RAD17: variants seen among roughly 807,000 people sequenced by gnomAD.
The protein encoded by RAD17 is cell cycle checkpoint protein RAD17.
In RAD17, 31 loss-of-function variants were observed where a neutral mutation model predicts 81.5. That is an observed-to-expected ratio of 0.38 (90% CI 0.29 to 0.51). The LOEUF (loss-of-function observed/expected upper bound fraction) is 0.51. Among genes scored for constraint, RAD17 ranks in the 20% least tolerant of loss-of-function variants. RAD17 has a pLI of 0.88. For missense variants in RAD17, 681 were observed against 781.2 expected, an observed-to-expected ratio of 0.87 and a Z score of 1.53; for synonymous variants, 261 against 266.2, an observed-to-expected ratio of 0.98 and a Z score of 0.19.
rs753025754 is a variant in RAD17 at position 69,386,452 on chromosome 5, T to C, written c.881T>C (p.Ile294Thr). ...AAATTTCTTAATCGAATAGTGACTA[T>C]AGAAGCTAACAAGGTAAGTCTCTGA... The part of the protein sequence containing the change: ...MMKFLNRIVT[I>T]EANKNGGKIT... Residue 294 changes from isoleucine (I) to threonine (T), a missense_variant, in exon 11 of 19, where the codon ATA becomes ACA. Physicochemically the swap from Ile to Thr is moderately conservative, Grantham distance 89. Coordinates refer to ENST00000354868, the MANE Select transcript of RAD17 (RefSeq NM_133338.3). 1 of 1,595,560 alleles carries C rather than the reference T, an allele frequency of 6.3e-7. No individual in the cohort carries two copies. Among genetic ancestry groups the C allele is most frequent in the Admixed American group, 1.8e-5 (1 of 57,096 alleles).
In RAD17 at chr5:69,373,690, T is replaced by A. The variant is rs1471367917; in HGVS notation, c.10-140T>A. On this transcript the variant is annotated intron_variant, in intron 4 of 18. Coordinates refer to ENST00000354868, the MANE Select transcript of RAD17 (RefSeq NM_133338.3). ...GTGAGACCCGGTCTCAAAAAAATTT[T>A]TTTTTTTTTTTTTTTTTTTTTTTTT... 4.4e-4 allele frequency: 31 copies of A among 70,618 alleles called. 1 individual carries two copies. The highest frequency in any genetic ancestry group is 3.3e-3 in the Middle Eastern group (1 of 300). 4.4% of individuals were successfully genotyped at this position (70,618 alleles called of 1,614,324 possible).
chr5:69,400,887 T>G (rs535466406), intron 17 of RAD17, among the ~76,000 whole-genome samples: 2 of 147,468 alleles, frequency 1.4e-5, no homozygotes, highest in African/African-American at 5.1e-5. Flanking sequence ...TGAGCCAAGA[T>G]CGCACACCTG....
rs572821166 is a variant in RAD17, at chr5:69,405,866, C to T, written c.1694-4627C>T. ...GACCAGCCTGGCAAACATGGTGAAA[C>T]CCCGTCTCTACCAAAAATATAAAAA... On this transcript the variant is annotated intron_variant, in intron 17 of 18. Coordinates refer to ENST00000354868, the MANE Select transcript of RAD17 (RefSeq NM_133338.3). Among the ~76,000 whole-genome samples, 7 of 151,942 alleles carry T rather than the reference C, an allele frequency of 4.6e-5. No homozygotes were observed. In the South Asian group the frequency reaches 1.3e-3, roughly 27 times the overall value.
chr5:69,399,938 A>C (rs1023397131), intron 16 of RAD17, 111 bp from the exon 17 acceptor site: 2 of 648,970 alleles, frequency 3.1e-6, no homozygotes, highest in Non-Finnish European at 2.4e-6. Context: ...ATAAACCCAC[A>C]AGTTAATATA....
intron 4 of RAD17, among the ~76,000 whole-genome samples, chr5:69,373,532 A>G (rs1580350437): frequency 6.6e-6 from 1 of 152,012 alleles, no homozygotes; most frequent in South Asian, 2.1e-4. Context: ...GCAAAAACCC[A>G]TCTCTACAAA....
intron 7 of RAD17, among the ~76,000 whole-genome samples, chr5:69,382,984 A>G (rs959142327): frequency 6.6e-6 from 1 of 152,034 alleles, no homozygotes; most frequent in African/African-American, 2.4e-5. Flanking sequence ...GGGTTTTGCC[A>G]TGTTAGCCAG....
intron 17 of RAD17, among the ~76,000 whole-genome samples, chr5:69,405,285 C>T (rs1305932815): frequency 6.6e-6 from 1 of 151,274 alleles, no homozygotes; most frequent in Non-Finnish European, 1.5e-5. Context: ...GGGCGGATCA[C>T]GAGGTCATGA....
chr5:69,404,122 G>C (rs938710687), intron 17 of RAD17, among the ~76,000 whole-genome samples: 6 of 152,102 alleles, frequency 3.9e-5, no homozygotes, highest in Non-Finnish European at 8.8e-5. Flanking sequence ...TGCTGGTGAA[G>C]TTAACTTTTA....
rs981456380 is a variant in RAD17, at chr5:69,410,404, G to C, written c.1694-89G>C. On this transcript the variant is annotated intron_variant, in intron 17 of 18. Coordinates refer to ENST00000354868, the MANE Select transcript of RAD17 (RefSeq NM_133338.3). ...TGGATTTGCATTTCTCTAAAGATTA[G>C]TGATGTTCAGCATCTTTTCAGGTGC... The C allele has an allele frequency of 4.7e-5, 45 of 959,504 alleles. No homozygotes were observed. The Admixed American group carries it at 9.1e-4, about 19-fold the overall frequency. The allele number at this position is 959,504 out of a possible 1,614,324, so 59.4% of individuals were successfully genotyped here.
At chr5:69,392,605 A>G (rs1273559768) in intron 13 of RAD17, among the ~76,000 whole-genome samples, 1 of 152,132 alleles carries the variant, frequency 6.6e-6, no homozygotes, top group Non-Finnish European at 1.5e-5. Context: ...CTAAATGGAA[A>G]CCTTCATACC....
chr5:69,383,806 G>A (rs1205828509), intron 7 of RAD17, among the ~76,000 whole-genome samples: 1 of 152,160 alleles, frequency 6.6e-6, no homozygotes, highest in Non-Finnish European at 1.5e-5. Context: ...GTGTGTTCCT[G>A]CATCTGGCTT....
In RAD17 at chr5:69,384,841, T is replaced by A; in HGVS notation, c.553T>A (p.Phe185Ile). The A allele has an allele frequency of 6.2e-7, 1 of 1,612,510 alleles. No individual in the cohort carries two copies. The highest frequency in any genetic ancestry group is 8.5e-7 in the Non-Finnish European group (1 of 1,178,692). ...TCCCTATCAGTCTCAGATAGCAGTT[T>A]TCAAAGAGTTTCTACTAAGAGCGAC... Reference protein sequence around the residue: ...MFPYQSQIAVFKEFLLRATKY... With the variant: ...MFPYQSQIAVIKEFLLRATKY... Residue 185 changes from phenylalanine to isoleucine, a missense_variant, in exon 8 of 19, where the codon TTC becomes ATC. Phe to Ile is a conservative substitution (Grantham distance 21). Transcript: ENST00000354868.
At chr5:69,397,328 G>C (rs898579219) in intron 16 of RAD17, among the ~76,000 whole-genome samples, 1 of 151,966 alleles carries the variant, frequency 6.6e-6, no homozygotes, top group Admixed American at 6.6e-5. Flanking sequence ...TTTTAGTAGA[G>C]ATGGGGTTTT....
At chr5:69,379,974 G>A (rs1035298901) in intron 6 of RAD17, among the ~76,000 whole-genome samples, 5 of 151,630 alleles carry the variant, frequency 3.3e-5, no homozygotes, top group African/African-American at 7.3e-5. Context: ...TCTGCCTCCC[G>A]GGTTCAAGCG....
At chr5:69,382,159 C>A (rs925036629) in intron 7 of RAD17, 102 bp downstream of exon 7, 3 of 1,325,440 alleles carry the variant, frequency 2.3e-6, no homozygotes, top group South Asian at 1.3e-5. Context: ...ATACTTCTTG[C>A]TTTCAGAGGG....
In RAD17 at chr5:69,391,833, G is replaced by C. The variant is rs1208308721; in HGVS notation, c.1009G>C (p.Glu337Gln). The part of the protein sequence containing the change: ...NSLQFSSSKG[E>Q]NNLRPRKKGM... The stretch of plus-strand genomic sequence containing the variant: ...TCACTTGGATGTATATTATTCAGGA[G>C]AAAACAACTTACGGCCAAGGAAAAA... The change falls in exon 13 of 19, where the codon GAA becomes CAA. Residue 337 changes from glutamate (E) to glutamine (Q), a missense_variant and splice_region_variant. Physicochemically the swap from Glu to Gln is conservative, Grantham distance 29. Transcript: ENST00000354868. 1 of 1,522,678 alleles carries C rather than the reference G, an allele frequency of 6.6e-7. No individual in the cohort carries two copies. Among genetic ancestry groups the C allele is most frequent in the African/African-American group, 1.4e-5 (1 of 69,880 alleles). 94.3% of individuals were successfully genotyped at this position (1,522,678 alleles called of 1,614,324 possible). A position where few individuals can be genotyped will look rare whatever the true frequency, so the allele number is the denominator to read the frequency against.
At chr5:69,374,374 ATG>A (rs1217449715) in intron 5 of RAD17, among the ~76,000 whole-genome samples, 1 of 152,188 alleles carries the variant, frequency 6.6e-6, no homozygotes, top group Non-Finnish European at 1.5e-5. Flanking sequence ...TCTTCTCAAA[ATG>A]TATTTCTGAA....
intron 6 of RAD17, among the ~76,000 whole-genome samples, chr5:69,379,888 T>G (rs1763740687): frequency 6.6e-6 from 1 of 151,138 alleles, no homozygotes; most frequent in South Asian, 2.1e-4. Flanking sequence ...TTAACTTCTT[T>G]TTTTTTTTTT....
intron 6 of RAD17, 140 bp from the exon 7 acceptor site, chr5:69,381,758 CATT>C: frequency 1.7e-6 from 1 of 574,230 alleles, no homozygotes; most frequent in East Asian, 3.4e-5. Flanking sequence ...TTCCAGCAAG[CATT>C]ATTATGAAAT....
Sources: allele counts gnomAD v4.1 joint callset (sites outside exome capture counted in the v4.1 genomes callset), GRCh38; gene constraint gnomAD v4.1.1; transcripts MANE v1.5; gene names NCBI Gene and HGNC (gene_info 2026-07-23, HGNC 2026-07-21).